The following NTNG1 variants were observed in gnomAD, a reference collection of about 807,000 sequenced individuals.
NTNG1 encodes the protein netrin G1, also known as netrin-G1.
A neutral mutation model predicts 54.0 loss-of-function variants in NTNG1; 16 were observed. The observed-to-expected ratio is 0.30, with a 90% CI of 0.20 to 0.45. NTNG1 has a LOEUF of 0.45. Ranked by LOEUF, NTNG1 falls within the 20% of genes least tolerant of loss-of-function variation. NTNG1 has a pLI of 1.00. For synonymous variants in NTNG1, 255 were observed against 263.1 expected, an observed-to-expected ratio of 0.97 and a Z score of 0.30; for missense variants, 530 against 678.7, an observed-to-expected ratio of 0.78 and a Z score of 2.43.
At chr1:107,364,022 T>C (rs148412726) in intron 3 of NTNG1, among the ~76,000 whole-genome samples, 27 of 152,244 alleles carry the variant, frequency 1.8e-4, no homozygotes, top group African/African-American at 5.8e-4. Flanking sequence ...ATGTGAAATA[T>C]TTTGCTTGAC....
chr1:107,232,354 T>C lies in NTNG1; in HGVS notation c.246+83515T>C, dbSNP rs190917121. Reference sequence around the variant, plus strand: ...ATGACTGCTTAAACCAATTCTTCTCTATATACCTTTCCCTTCTTCCATGGA... The same window carrying C: ...ATGACTGCTTAAACCAATTCTTCTCCATATACCTTTCCCTTCTTCCATGGA... On this transcript the variant is annotated intron_variant, in intron 2 of 7. Transcript: ENST00000370068. 2.4e-3 allele frequency among the ~76,000 whole-genome samples: 371 copies of C among 152,328 alleles called. 3 individuals carry two copies. The highest frequency in any genetic ancestry group is 8.4e-3 in the African/African-American group (348 of 41,590).
intron 2 of NTNG1, among the ~76,000 whole-genome samples, chr1:107,284,887 G>A (rs1461944352): frequency 1.3e-5 from 2 of 152,100 alleles, no homozygotes; most frequent in African/African-American, 4.8e-5. Context: ...ATTGGTAGCT[G>A]TTGATAGATT....
At chr1:107,175,557 G>T (rs1656582527) in intron 2 of NTNG1, among the ~76,000 whole-genome samples, 1 of 151,500 alleles carries the variant, frequency 6.6e-6, no homozygotes, top group African/African-American at 2.4e-5. Flanking sequence ...AAACATTCTG[G>T]TATAATTAAT....
At chr1:107,181,831 T>C (rs1657095936) in intron 2 of NTNG1, among the ~76,000 whole-genome samples, 2 of 152,142 alleles carry the variant, frequency 1.3e-5, no homozygotes, top group Admixed American at 6.6e-5. Flanking sequence ...GCTGAGAGAA[T>C]TCCTGCAGAC....
intron 2 of NTNG1, among the ~76,000 whole-genome samples, chr1:107,229,548 T>C (rs983133256): frequency 2.6e-5 from 4 of 151,870 alleles, no homozygotes; most frequent in African/African-American, 9.7e-5. Flanking sequence ...TGAGAATTTA[T>C]GGAAAGGGTT....
chr1:107,190,304 T>C (rs1305707040), intron 2 of NTNG1, among the ~76,000 whole-genome samples: 1 of 152,146 alleles, frequency 6.6e-6, no homozygotes, highest in Non-Finnish European at 1.5e-5. Flanking sequence ...GTGGTTAAGA[T>C]GGTAAGTTTT....
intron 7 of NTNG1, among the ~76,000 whole-genome samples, chr1:107,453,116 A>G (rs987804471): frequency 1.3e-5 from 2 of 152,214 alleles, no homozygotes; most frequent in East Asian, 1.9e-4. Flanking sequence ...CGGTGTCTCA[A>G]CAGTGGTCAG....
At chr1:107,328,383 A>G (rs958328542) in intron 3 of NTNG1, among the ~76,000 whole-genome samples, 2 of 152,184 alleles carry the variant, frequency 1.3e-5, no homozygotes, top group African/African-American at 2.4e-5. Context: ...GGTACATTAA[A>G]GGGCATCAAG....
intron 2 of NTNG1, among the ~76,000 whole-genome samples, chr1:107,201,065 G>A (rs915365471): frequency 1.3e-5 from 2 of 151,578 alleles, no homozygotes; most frequent in Non-Finnish European, 1.5e-5. Context: ...AAAACTGAAG[G>A]AAATAATTCA....
chr1:107,345,680 C>G (rs1170629288), intron 3 of NTNG1, among the ~76,000 whole-genome samples: 1 of 152,126 alleles, frequency 6.6e-6, no homozygotes, highest in African/African-American at 2.4e-5. Context: ...ATTTTACGTG[C>G]AGCCTTTGCA....
In NTNG1 at chr1:107,352,613, C is replaced by G. The variant is rs547469634; in HGVS notation, c.887+27691C>G. Among the ~76,000 whole-genome samples, 10 of 152,318 alleles carry G rather than the reference C, an allele frequency of 6.6e-5. No individual in the cohort carries two copies. In the East Asian group the frequency reaches 1.9e-3, roughly 29 times the overall value. On this transcript the variant is annotated intron_variant, in intron 3 of 7. Coordinates refer to ENST00000370068, the MANE Select transcript of NTNG1 (RefSeq NM_001113226.3). ...CATTCTCCTTCCAAAAGGGAGAAATCAGCCAAAAGAAAGGGGCTACAGGCC... is the reference window on the plus strand; with the variant it reads ...CATTCTCCTTCCAAAAGGGAGAAATGAGCCAAAAGAAAGGGGCTACAGGCC...
At chr1:107,313,506 C>T (rs942694199) in intron 2 of NTNG1, among the ~76,000 whole-genome samples, 2 of 152,092 alleles carry the variant, frequency 1.3e-5, no homozygotes, top group South Asian at 2.1e-4. Context: ...TTAGAGTCAT[C>T]GAAGTGTAAG....
intron 2 of NTNG1, among the ~76,000 whole-genome samples, chr1:107,215,704 A>G (rs1659906725): frequency 1.3e-5 from 2 of 152,124 alleles, no homozygotes; most frequent in Admixed American, 1.3e-4. Flanking sequence ...TGAGAATTGC[A>G]AGGAATTTTA....
intron 2 of NTNG1, among the ~76,000 whole-genome samples, chr1:107,286,705 C>T (rs980211893): frequency 6.6e-6 from 1 of 152,080 alleles, no homozygotes; most frequent in Non-Finnish European, 1.5e-5. Flanking sequence ...TATACTCCAA[C>T]AAAGTTAAGT....
At chr1:107,366,414 C>G (rs935408370) in intron 3 of NTNG1, among the ~76,000 whole-genome samples, 2 of 152,138 alleles carry the variant, frequency 1.3e-5, no homozygotes, top group Admixed American at 1.3e-4. Flanking sequence ...AAATCTGTCT[C>G]AAAATAAAGT....
intron 1 of NTNG1, among the ~76,000 whole-genome samples, chr1:107,144,468 A>G (rs1653964498): frequency 6.6e-6 from 1 of 152,134 alleles, no homozygotes; most frequent in Non-Finnish European, 1.5e-5. Flanking sequence ...CAGCTAGATT[A>G]GGAGATTTAC....
chr1:107,296,354 A>G (rs1557877379), intron 2 of NTNG1, among the ~76,000 whole-genome samples: 1 of 151,960 alleles, frequency 6.6e-6, no homozygotes, highest in Non-Finnish European at 1.5e-5. Flanking sequence ...AGTTTTAAGA[A>G]TAGCTGCTTC....
At chr1:107,322,381 C>G (rs1011414499) in intron 2 of NTNG1, among the ~76,000 whole-genome samples, 8 of 152,098 alleles carry the variant, frequency 5.3e-5, no homozygotes, top group African/African-American at 1.9e-4. Flanking sequence ...AATGATAGTG[C>G]AGATGGCTAC....
rs1412457922 is a variant in NTNG1 at position 107,241,300 on chromosome 1, G to T, written c.247-82982G>T. Among the ~76,000 whole-genome samples the T allele has an allele frequency of 3.3e-5, 5 of 152,114 alleles. No individual in the cohort carries two copies. In the East Asian group the frequency reaches 9.6e-4, roughly 29 times the overall value. ...TGCAAAATAGTTCCCTTAGTTTCCT[G>T]CATAATGACATTTGCTCTTTTGATA... On this transcript the variant is annotated intron_variant, in intron 2 of 7. Transcript: ENST00000370068.
Sources: allele counts gnomAD v4.1 joint callset (sites outside exome capture counted in the v4.1 genomes callset), GRCh38; gene constraint gnomAD v4.1.1; transcripts MANE v1.5; gene names NCBI Gene and HGNC (gene_info 2026-07-23, HGNC 2026-07-21).